BSN: variants seen among roughly 807,000 people sequenced by gnomAD.
BSN encodes the protein protein bassoon.
A neutral mutation model predicts 264.8 loss-of-function variants in BSN; 57 were observed. The observed-to-expected ratio is 0.22, with a 90% confidence interval of 0.17 to 0.27. The LOEUF is 0.27. Among genes scored for constraint, BSN ranks in the 10% least tolerant of loss-of-function variants. The pLI, the probability that BSN is intolerant of heterozygous loss-of-function variation, is 1.00. For synonymous variants in BSN, 2,059 were observed against 2,137.3 expected (o/e 0.96, Z 1.01); for missense variants, 4,615 against 5,232.5 (o/e 0.88, Z 3.64).
chr3:49,627,851 G>C (rs998896780), intron 2 of BSN, among the ~76,000 whole-genome samples: 2 of 152,156 alleles, frequency 1.3e-5, no homozygotes, highest in Non-Finnish European at 2.9e-5. Context: ...AGTAGAAAAA[G>C]GTAGAGGTAC....
intron 1 of BSN, among the ~76,000 whole-genome samples, chr3:49,622,521 G>A (rs1158488657): frequency 6.6e-6 from 1 of 152,172 alleles, no homozygotes; most frequent in Non-Finnish European, 1.5e-5. Flanking sequence ...AAAAGTCACT[G>A]TATATATAGA....
At chr3:49,563,209 C>T (rs539744534) in intron 1 of BSN, among the ~76,000 whole-genome samples, 3 of 152,230 alleles carry the variant, frequency 2.0e-5, no homozygotes, top group South Asian at 4.2e-4. Context: ...GAGCCAGGGG[C>T]GGGGCTGGCT....
At chr3:49,648,985 G>C (rs1167957587) in intron 3 of BSN, among the ~76,000 whole-genome samples, 1 of 152,204 alleles carries the variant, frequency 6.6e-6, no homozygotes, top group Non-Finnish European at 1.5e-5. Context: ...TGGGGAGCAG[G>C]CCTGTCCCTC....
In BSN at chr3:49,670,007, TA is replaced by T. The variant is rs1360875810; in HGVS notation, c.*2524del. On this transcript the variant is annotated 3_prime_UTR_variant, in exon 12 of 12. Transcript: ENST00000296452. Reference sequence around the variant, plus strand: ...GGTCCGCATTTCTCATGCTTTTCTATAAGATCTACACACCCCTTCAGAGAGG... The same window carrying T: ...GGTCCGCATTTCTCATGCTTTTCTATAGATCTACACACCCCTTCAGAGAGG... The T allele has an allele frequency of 8.0e-6, 1 of 125,648 alleles. No individual in the cohort carries two copies. Among genetic ancestry groups the T allele is most frequent in the Admixed American group, 7.8e-5 (1 of 12,748 alleles). 7.8% of individuals were successfully genotyped at this position (125,648 alleles called of 1,614,324 possible).
Position 49,660,611 on chromosome 3 carries a change from G to A in BSN, c.8766G>A (p.Leu2922=), listed in dbSNP as rs1377283062. ...CCCCACAGCTGTATGCAGCCAGCCT[G>A]CTGCAGCGAGGGCTGACGGGGCCCA... ...QASPQLYAAS[L]LQRGLTGPTT... The change falls in exon 6 of 12, where the codon CTG becomes CTA. Residue 2922 remains leucine (L), a synonymous_variant. Transcript: ENST00000296452. This position sits in a 1 kb window ranked among gnomAD's most constrained non-coding sequence, Gnocchi z 7.1. The A allele has an allele frequency of 1.9e-6, 3 of 1,612,892 alleles. No homozygotes were observed. In the East Asian group the frequency reaches 6.7e-5, roughly 36 times the overall value.
Position 49,653,295 on chromosome 3 carries a change from G to A in BSN, c.3739G>A (p.Gly1247Ser). 6.2e-7 allele frequency: 1 copy of A among 1,612,464 alleles called. No homozygotes were observed. The highest frequency in any genetic ancestry group is 1.7e-4 in the Middle Eastern group (1 of 6,060). The change falls in exon 5 of 12, where the codon GGC becomes AGC. Residue 1247 changes from glycine to serine, a missense_variant. Physicochemically the swap from Gly to Ser is moderately conservative, Grantham distance 56. This residue lies in a region of BSN where 3,415 missense variants were observed against 3,866.4 expected (regional missense o/e 0.88). Transcript: ENST00000296452. The surrounding 1 kb of genome is among the most constrained non-coding windows in gnomAD (Gnocchi z 6.3). The stretch of plus-strand genomic sequence containing the variant: ...CCAGGCTGCTCAGCCTGCCGCAGAG[G>A]GCACGCCAGCCAGCCTGGGAGCAGC... ...YGQAAQPAAE[G>S]TPASLGAAVY... is the part of the protein sequence containing the mutation.
intron 1 of BSN, among the ~76,000 whole-genome samples, chr3:49,598,121 C>T (rs1015655863): frequency 6.6e-6 from 1 of 152,194 alleles, no homozygotes; most frequent in African/African-American, 2.4e-5. Context: ...CTGAGTTCAA[C>T]ATCTAGACTC....
In BSN at chr3:49,652,578, A is replaced by G; in HGVS notation, c.3022A>G (p.Ser1008Gly). The change falls in exon 5 of 12, where the codon AGC becomes GGC. Residue 1008 changes from serine (S) to glycine (G), a missense_variant. Physicochemically the swap from Ser to Gly is moderately conservative, Grantham distance 56 (BLOSUM62 0). Around this residue, in one of 3 missense-constraint regions of BSN, gnomAD observed 1,197 missense variants for 1,348.0 expected, o/e 0.89. Transcript: ENST00000296452. ...SLSSLEEDSD[S>G]SPSRRQRLEE... is the part of the protein sequence containing the mutation. ...GTCCTCCCTAGAGGAGGACAGTGACAGCAGCCCCAGCCGCAGGCAGCGTCT... is the reference window on the plus strand; with the variant it reads ...GTCCTCCCTAGAGGAGGACAGTGACGGCAGCCCCAGCCGCAGGCAGCGTCT... The G allele has an allele frequency of 3.1e-6, 5 of 1,613,338 alleles. No homozygotes were observed. Among genetic ancestry groups the G allele is most frequent in the Non-Finnish European group, 4.2e-6 (5 of 1,179,890 alleles).
intron 3 of BSN, among the ~76,000 whole-genome samples, chr3:49,649,886 G>A (rs1319657629): frequency 6.6e-6 from 1 of 152,220 alleles, no homozygotes; most frequent in Non-Finnish European, 1.5e-5. Context: ...CCTGACACAA[G>A]GGCCACCACA....
intron 1 of BSN, among the ~76,000 whole-genome samples, chr3:49,595,111 G>A (rs1040582227): frequency 1.3e-5 from 2 of 151,862 alleles, no homozygotes; most frequent in Admixed American, 6.6e-5. Context: ...GGATGGTCTC[G>A]ATCTCCTGAC....
At chr3:49,564,384 A>G (rs916227384) in intron 1 of BSN, among the ~76,000 whole-genome samples, 7 of 152,208 alleles carry the variant, frequency 4.6e-5, no homozygotes, top group Admixed American at 2.0e-4. Flanking sequence ...GGAGGCCTGC[A>G]TGAGTCTCTG....
chr3:49,560,474 A>G (rs1339508811), intron 1 of BSN, among the ~76,000 whole-genome samples: 1 of 152,148 alleles, frequency 6.6e-6, no homozygotes, highest in Non-Finnish European at 1.5e-5. Context: ...TCCTGACTTT[A>G]CTTACTGCCT....
chr3:49,669,189 T>C lies in BSN; in HGVS notation c.*1704T>C, dbSNP rs2052735528. ...AGAACCTCTCCTTCAGGAGCACTTCTAGCTGACTTCTGCACAAGCTAGTGA... is the reference window on the plus strand; with the variant it reads ...AGAACCTCTCCTTCAGGAGCACTTCCAGCTGACTTCTGCACAAGCTAGTGA... On this transcript the variant is annotated 3_prime_UTR_variant, in exon 12 of 12. Coordinates refer to ENST00000296452, the MANE Select transcript of BSN (RefSeq NM_003458.4). 6.6e-6 allele frequency: 1 copy of C among 152,656 alleles called. No individual in the cohort carries two copies. The highest frequency in any genetic ancestry group is 2.4e-5 in the African/African-American group (1 of 41,458). 9.5% of individuals were successfully genotyped at this position (152,656 alleles called of 1,614,324 possible).
At chr3:49,614,424 A>G (rs138866373) in intron 1 of BSN, among the ~76,000 whole-genome samples, 1 of 152,328 alleles carries the variant, frequency 6.6e-6, no homozygotes, top group East Asian at 1.9e-4. Context: ...TGGTGGCCAC[A>G]TATAGCTCTT....
chr3:49,632,515 G>A (rs71324982), intron 2 of BSN, among the ~76,000 whole-genome samples: 25,224 of 152,092 alleles, frequency 0.17, 2,610 homozygotes, highest in Non-Finnish European at 0.24. Flanking sequence ...TTAAAAGTGG[G>A]CAAAGAGGCC....
intron 1 of BSN, among the ~76,000 whole-genome samples, chr3:49,615,327 TGCATCAGTATA>T (rs936403127): frequency 2.0e-5 from 3 of 152,188 alleles, no homozygotes; most frequent in African/African-American, 7.2e-5. Flanking sequence ...TCTGCCCAAG[TGCATCAGTATA>T]CACCTGGCGT....
chr3:49,633,636 AC>A (rs768080741), intron 2 of BSN, among the ~76,000 whole-genome samples: 1 of 152,246 alleles, frequency 6.6e-6, no homozygotes, highest in Non-Finnish European at 1.5e-5. Context: ...ACCCATGTTC[AC>A]AGCAGCATTT....
chr3:49,575,518 A>ATG (rs1316580273), intron 1 of BSN, among the ~76,000 whole-genome samples: 1 of 147,478 alleles, frequency 6.8e-6, no homozygotes, highest in Non-Finnish European at 1.5e-5. Context: ...ATGTAAATAT[A>ATG]TGTGTGTATA....
At chr3:49,571,800 G>A (rs1417613576) in intron 1 of BSN, among the ~76,000 whole-genome samples, 2 of 152,248 alleles carry the variant, frequency 1.3e-5, no homozygotes, top group South Asian at 2.1e-4. Flanking sequence ...TTCTGGTAAC[G>A]TGTACTGATT....
Sources: allele counts gnomAD v4.1 joint callset (sites outside exome capture counted in the v4.1 genomes callset), GRCh38; gene constraint gnomAD v4.1.1; regional missense constraint gnomAD v4.1.1; non-coding constraint Gnocchi (gnomAD v3.1); transcripts MANE v1.5; gene names NCBI Gene and HGNC (gene_info 2026-07-23, HGNC 2026-07-21).